HIVEP1: variants seen among roughly 807,000 people sequenced by gnomAD.
HIVEP1 encodes the protein HIVEP zinc finger 1.
HIVEP1 carries 36 observed loss-of-function variants against 180.0 expected under a neutral mutation model. That is an observed-to-expected ratio of 0.20 (90% confidence interval 0.15 to 0.26). The LOEUF (loss-of-function observed/expected upper bound fraction) is 0.26, where lower values mean the gene tolerates loss of function less well. Among genes scored for constraint, HIVEP1 ranks in the 10% least tolerant of loss-of-function variants. HIVEP1 has a pLI of 1.00. For missense variants in HIVEP1, 3,143 were observed against 3,268.7 expected (o/e 0.96, Z 0.94); for synonymous variants, 1,239 against 1,239.0 (o/e 1.00, Z 0.00).
chr6:12,030,738 A>G (rs531434264), intron 2 of HIVEP1, among the ~76,000 whole-genome samples: 5 of 152,316 alleles, frequency 3.3e-5, no homozygotes, highest in African/African-American at 1.2e-4. Context: ...AATAGCTACT[A>G]TGAAATCTCA....
chr6:12,182,412 A>G, the HIVEP1 span, among the ~76,000 whole-genome samples: 1 of 152,224 alleles, frequency 6.6e-6, no homozygotes, highest in Non-Finnish European at 1.5e-5. Flanking sequence ...TAACAGGCAT[A>G]TTGATCATAA....
the HIVEP1 span, among the ~76,000 whole-genome samples, chr6:12,171,934 A>G: frequency 1.3e-5 from 2 of 152,112 alleles, no homozygotes; most frequent in Non-Finnish European, 2.9e-5. Flanking sequence ...TCACCCCTCC[A>G]CTTGATTCTC....
Position 12,121,940 on chromosome 6 carries a change from C to A in HIVEP1, c.2145C>A (p.Thr715=). 6.2e-7 allele frequency: 1 copy of A among 1,614,136 alleles called. No homozygotes were observed. Among genetic ancestry groups the A allele is most frequent in the Non-Finnish European group, 8.5e-7 (1 of 1,180,010 alleles). The part of the protein sequence containing the change: ...RSNGPSAALV[T]TSTPSALPTG... ...ACGGACCCTCTGCAGCTCTTGTCAC[C>A]ACGTCAACACCCTCTGCTTTGCCCA... Residue 715 remains threonine, a synonymous_variant, in exon 4 of 9, where the codon ACC becomes ACA. Coordinates refer to ENST00000379388, the MANE Select transcript of HIVEP1 (RefSeq NM_002114.4). This position sits in a 1 kb window ranked among gnomAD's most constrained non-coding sequence, Gnocchi z 5.3.
intron 8 of HIVEP1, 115 bp from the exon 9 acceptor site, chr6:12,163,167 CA>C: frequency 1.3e-6 from 1 of 783,600 alleles, no homozygotes; most frequent in Non-Finnish European, 2.1e-6. Context: ...TCATTTTTAT[CA>C]ATGCAAATAT....
At chr6:12,161,981 A>G in intron 8 of HIVEP1, 52 bp downstream of exon 8, 1 of 1,488,220 alleles carries the variant, frequency 6.7e-7, no homozygotes, top group Non-Finnish European at 9.1e-7. Context: ...TAACCTATTA[A>G]ATATGGAGAA....
In HIVEP1 at chr6:12,123,301, G is replaced by A. The variant is rs565532988; in HGVS notation, c.3506G>A (p.Gly1169Glu). 68 of 1,614,130 alleles carry A rather than the reference G, an allele frequency of 4.2e-5. No homozygotes were observed. The East Asian group carries it at 1.4e-3, about 33-fold the overall frequency. ...PVSFQELNRT[G>E]KSGSLKVIGI... ...TCTTTCCAGGAGCTGAATAGAACGG[G>A]GAAGTCCGGGTCTCTAAAAGTGATA... The change falls in exon 4 of 9, where the codon GGG becomes GAG. Residue 1169 changes from glycine (G) to glutamate (E), a missense_variant. Coordinates refer to ENST00000379388, the MANE Select transcript of HIVEP1 (RefSeq NM_002114.4).
chr6:12,033,480 G>A (rs1769088711), intron 2 of HIVEP1, among the ~76,000 whole-genome samples: 1 of 152,138 alleles, frequency 6.6e-6, no homozygotes, highest in Non-Finnish European at 1.5e-5. Flanking sequence ...ACTGAGAAAC[G>A]TTCTTGAACC....
rs1475788658 is a variant in HIVEP1 at position 12,026,379 on chromosome 6, G to A, written c.40+10711G>A. 2.6e-5 allele frequency among the ~76,000 whole-genome samples: 4 copies of A among 152,124 alleles called. No homozygotes were observed. The South Asian group carries it at 8.3e-4, about 32-fold the overall frequency. Reference sequence around the variant, plus strand: ...CTGAATGAGGAGGAGTTTTGAGACGGGTTTTTAAAGACAGGAAGGATATAT... The same window carrying A: ...CTGAATGAGGAGGAGTTTTGAGACGAGTTTTTAAAGACAGGAAGGATATAT... On this transcript the variant is annotated intron_variant, in intron 2 of 8. Transcript: ENST00000379388.
intron 2 of HIVEP1, among the ~76,000 whole-genome samples, chr6:12,071,442 C>T (rs1425045789): frequency 6.6e-6 from 1 of 152,204 alleles, no homozygotes; most frequent in African/African-American, 2.4e-5. Flanking sequence ...CACCATTGTT[C>T]CCCAAATATT....
the HIVEP1 span, among the ~76,000 whole-genome samples, chr6:12,174,201 A>AAT: frequency 6.6e-6 from 1 of 152,208 alleles, no homozygotes; most frequent in Non-Finnish European, 1.5e-5. Context: ...TAACTATTCT[A>AAT]ATGAAATAAT....
rs1023927736 is a variant in HIVEP1 at position 12,021,026 on chromosome 6, G to A, written c.40+5358G>A. ...CTGCCTCAGCCTCCCAAGTAGCTGG[G>A]ACTATAGGCGCCTGCCACCACGCAC... is the stretch of plus-strand genomic sequence containing the variant. On this transcript the variant is annotated intron_variant, in intron 2 of 8. Transcript: ENST00000379388. Among the ~76,000 whole-genome samples the A allele has an allele frequency of 2.6e-5, 4 of 151,838 alleles. 1 individual carries two copies. Among genetic ancestry groups the A allele is most frequent in the East Asian group, 3.9e-4 (2 of 5,160 alleles).
chr6:12,211,160 G>A, the HIVEP1 span, among the ~76,000 whole-genome samples: 3 of 148,352 alleles, frequency 2.0e-5, no homozygotes, highest in African/African-American at 5.1e-5. Context: ...AGCACTTTGG[G>A]AGGCTGAGGC....
At chr6:12,107,885 G>A (rs1282505126) in intron 3 of HIVEP1, among the ~76,000 whole-genome samples, 11 of 150,392 alleles carry the variant, frequency 7.3e-5, no homozygotes, top group Admixed American at 2.0e-4. Context: ...TGATTGGTGC[G>A]TTTACAATCG....
At chr6:12,138,526 G>A (rs1442783355) in intron 7 of HIVEP1, among the ~76,000 whole-genome samples, 1 of 152,144 alleles carries the variant, frequency 6.6e-6, no homozygotes, top group African/African-American at 2.4e-5. Context: ...AGCCCAGAGT[G>A]GTACCAGCTG....
intron 3 of HIVEP1, among the ~76,000 whole-genome samples, chr6:12,109,288 C>T (rs527710164): frequency 6.6e-6 from 1 of 152,346 alleles, no homozygotes; most frequent in African/African-American, 2.4e-5. Flanking sequence ...CCACAGGGCC[C>T]GGCCGCCATT....
the HIVEP1 span, among the ~76,000 whole-genome samples, chr6:12,205,395 C>T: frequency 1.3e-4 from 19 of 151,844 alleles, no homozygotes; most frequent in East Asian, 7.8e-4. Flanking sequence ...GGCGTGAACC[C>T]GGGAGGCAGA....
intron 2 of HIVEP1, among the ~76,000 whole-genome samples, chr6:12,074,619 AGTGTGTGTGTGT>A (rs113951055): frequency 2.2e-5 from 3 of 138,876 alleles, no homozygotes; most frequent in Non-Finnish European, 3.3e-5. Flanking sequence ...TGTATGAAAA[AGTGTGTGTGTGT>A]GTGTGTGTGT....
the HIVEP1 span, among the ~76,000 whole-genome samples, chr6:12,208,736 T>C: frequency 8.7e-3 from 1,326 of 152,046 alleles, 27 homozygotes; most frequent in African/African-American, 0.031. Flanking sequence ...TGTGAGGACA[T>C]AGGGAGAAGG....
At chr6:12,203,920 T>C in the HIVEP1 span, among the ~76,000 whole-genome samples, 49 of 152,086 alleles carry the variant, frequency 3.2e-4, no homozygotes, top group South Asian at 9.6e-3. Context: ...CTACTTAAAA[T>C]ACAAAAATTA....
Sources: allele counts gnomAD v4.1 joint callset (sites outside exome capture counted in the v4.1 genomes callset), GRCh38; gene constraint gnomAD v4.1.1; non-coding constraint Gnocchi (gnomAD v3.1); transcripts MANE v1.5; gene names NCBI Gene and HGNC (gene_info 2026-07-23, HGNC 2026-07-21).